Variants in F5 observed in about 807,000 individuals in gnomAD.
The protein encoded by F5 is coagulation factor V.
Under a neutral mutation model 216.4 loss-of-function variants are expected in F5, and 138 were observed. The observed-to-expected ratio is 0.64, with a 90% CI of 0.56 to 0.73. F5 has a LOEUF of 0.73. F5 is among the 30% of genes least tolerant of loss of function. The pLI, the probability that F5 is intolerant of heterozygous loss-of-function variation, is 0.00. For missense variants in F5, 2,403 were observed against 2,674.0 expected (o/e 0.90, Z 2.24); for synonymous variants, 916 against 930.7 (o/e 0.98, Z 0.29).
intron 15 of F5, 129 bp downstream of exon 15, chr1:169,530,657 A>G (rs1659573641): frequency 2.4e-6 from 2 of 831,290 alleles, no homozygotes; most frequent in East Asian, 4.9e-5. Context: ...ACTGTTAACC[A>G]CACCCTTATG....
At chr1:169,560,473 G>A (rs1660448186) in intron 4 of F5, 81 bp downstream of exon 4, 11 of 1,364,686 alleles carry the variant, frequency 8.1e-6, no homozygotes, top group Non-Finnish European at 1.1e-5. Flanking sequence ...TTACCAAGAT[G>A]CTCCCAAGCT....
Position 169,550,697 on chromosome 1 carries a change from G to C in F5, c.1339C>G (p.Pro447Ala), listed in dbSNP as rs757591979. ...TAAGGCGAGAAGGTCACTCCATGAG[G>C]GTAAATGCTATAGGGGCGGCTGGCC... ...NMASRPYSIY[P>A]HGVTFSPYED... The change falls in exon 9 of 25, where the codon CCT becomes GCT. Residue 447 changes from proline to alanine, a missense_variant. Pro to Ala is a conservative substitution (Grantham distance 27). Coordinates refer to ENST00000367797, the MANE Select transcript of F5 (RefSeq NM_000130.5). 2 of 1,613,984 alleles carry C rather than the reference G, an allele frequency of 1.2e-6. No homozygotes were observed. The highest frequency in any genetic ancestry group is 1.7e-6 in the Non-Finnish European group (2 of 1,179,930).
chr1:169,544,590 C>G (rs1351641387), intron 11 of F5, 82 bp from the exon 12 acceptor site: 4 of 1,167,370 alleles, frequency 3.4e-6, no homozygotes, highest in Admixed American at 1.9e-5. Flanking sequence ...ATAAATGTCT[C>G]CATGTTAATT....
In F5 at chr1:169,540,190, G is replaced by C. The variant is rs1014423409; in HGVS notation, c.4796+104C>G. ...CAACTTGCAATAGGGGAACCACACT[G>C]TTCTTAGTATAATTTGCCCACAATT... On this transcript the variant is annotated intron_variant, in intron 13 of 24. Coordinates refer to ENST00000367797, the MANE Select transcript of F5 (RefSeq NM_000130.5). 7 of 1,260,268 alleles carry C rather than the reference G, an allele frequency of 5.6e-6. No homozygotes were observed. The African/African-American group carries it at 7.4e-5, about 13-fold the overall frequency. The allele number at this position is 1,260,268 out of a possible 1,614,324, so 78.1% of individuals were successfully genotyped here. A position where few individuals can be genotyped will look rare whatever the true frequency, so the allele number is the denominator to read the frequency against.
Position 169,542,504 on chromosome 1 carries a change from A to G in F5, c.2586T>C (p.His862=). The G allele has an allele frequency of 6.2e-7, 1 of 1,614,060 alleles. No individual in the cohort carries two copies. Among genetic ancestry groups the G allele is most frequent in the South Asian group, 1.1e-5 (1 of 91,076 alleles). ...LGAGEFKSQE[H]AKHKGPKVER... ...CTACCTTGGGTCCCTTATGCTTAGC[A>G]TGTTCTTGACTTTTGAATTCTCCAG... Residue 862 remains histidine, a synonymous_variant, in exon 13 of 25, where the codon CAT becomes CAC. Coordinates refer to ENST00000367797, the MANE Select transcript of F5 (RefSeq NM_000130.5).
At chr1:169,546,767 G>A (rs370208599) in intron 10 of F5, among the ~76,000 whole-genome samples, 175 bp from the exon 11 acceptor site, 10 of 152,194 alleles carry the variant, frequency 6.6e-5, no homozygotes, top group South Asian at 4.1e-4. Flanking sequence ...CTGGCTAGCC[G>A]TAGGCAGAAA....
chr1:169,566,065 A>G (rs1054644731), intron 3 of F5, among the ~76,000 whole-genome samples: 1 of 152,148 alleles, frequency 6.6e-6, no homozygotes, highest in Non-Finnish European at 1.5e-5. Flanking sequence ...TTGGTAACAA[A>G]GCACAAACAG....
chr1:169,552,939 A>G (rs1226751786), intron 7 of F5, among the ~76,000 whole-genome samples: 2 of 152,182 alleles, frequency 1.3e-5, no homozygotes, highest in Non-Finnish European at 2.9e-5. Flanking sequence ...TGCATCACTG[A>G]TAAAAGTCAT....
intron 2 of F5, among the ~76,000 whole-genome samples, chr1:169,579,053 C>T (rs116663843): frequency 0.017 from 2,535 of 151,644 alleles, 26 homozygotes; most frequent in Non-Finnish European, 0.029. Flanking sequence ...ACCCCCACCC[C>T]CGAAACTACC....
chr1:169,538,052 A>G (rs1252866904), intron 13 of F5, among the ~76,000 whole-genome samples: 1 of 152,206 alleles, frequency 6.6e-6, no homozygotes, highest in African/African-American at 2.4e-5. Flanking sequence ...CATTAGCCAC[A>G]TTAGCCAAGA....
In F5 at chr1:169,523,808, C is replaced by T. The variant is rs1234655743; in HGVS notation, c.5885G>A (p.Trp1962Ter). ...KLAAEFASKP[W>*]IQVDMQKEVI... ...CAGTCTATTAAGACAAACCTGGATC[C>T]AAGGTTTAGAGGCAAATTCTGCTGC... is the stretch of plus-strand genomic sequence containing the variant. The change falls in exon 20 of 25, where the codon TGG becomes TAG. Residue 1962 changes from tryptophan to a stop codon, truncating the protein, a stop_gained. Transcript: ENST00000367797. LOFTEE classifies it high-confidence loss of function. 1.2e-6 allele frequency: 2 copies of T among 1,612,638 alleles called. No individual in the cohort carries two copies. The highest frequency in any genetic ancestry group is 1.7e-6 in the Non-Finnish European group (2 of 1,179,090).
chr1:169,555,835 G>A (rs1175066534), intron 6 of F5, among the ~76,000 whole-genome samples: 1 of 151,916 alleles, frequency 6.6e-6, no homozygotes, highest in Non-Finnish European at 1.5e-5. Flanking sequence ...ATCTTCCACG[G>A]ATATCATGAT....
In F5 at chr1:169,573,711, C is replaced by T. The variant is rs9332686; in HGVS notation, c.251-1368G>A. 3.9e-5 allele frequency among the ~76,000 whole-genome samples: 6 copies of T among 152,266 alleles called. No homozygotes were observed. In the East Asian group the frequency reaches 5.8e-4, roughly 15 times the overall value. On this transcript the variant is annotated intron_variant, in intron 2 of 24. Transcript: ENST00000367797. Reference sequence around the variant, plus strand: ...AGGCACTGTGTTAGAAAGTTTCTGGCTACCTGGATCAAATACAGTCCCTGT... The same window carrying T: ...AGGCACTGTGTTAGAAAGTTTCTGGTTACCTGGATCAAATACAGTCCCTGT...
At position 169,539,689 on chromosome 1, in the gene F5, T is replaced by A. The variant is rs186390561; in HGVS notation, c.4796+605A>T. Among the ~76,000 whole-genome samples the A allele has an allele frequency of 6.6e-5, 10 of 152,340 alleles. No homozygotes were observed. The East Asian group carries it at 1.7e-3, about 26-fold the overall frequency. Reference sequence around the variant, plus strand: ...GCTGTGGGCATATCTAGACAGCTGATGCACAGTCATCATGCTATATCCCTG... The same window carrying A: ...GCTGTGGGCATATCTAGACAGCTGAAGCACAGTCATCATGCTATATCCCTG... On this transcript the variant is annotated intron_variant, in intron 13 of 24. Coordinates refer to ENST00000367797, the MANE Select transcript of F5 (RefSeq NM_000130.5).
chr1:169,572,700 G>A (rs1044095601), intron 2 of F5, among the ~76,000 whole-genome samples: 1 of 152,092 alleles, frequency 6.6e-6, no homozygotes, highest in Non-Finnish European at 1.5e-5. Context: ...GATGCGAGAG[G>A]GTAGTTACTT....
At position 169,520,945 on chromosome 1, in the gene F5, G is replaced by A. The variant is rs570081316; in HGVS notation, c.6049-281C>T. 6.6e-5 allele frequency among the ~76,000 whole-genome samples: 10 copies of A among 152,228 alleles called. No individual in the cohort carries two copies. In the South Asian group the frequency reaches 8.3e-4, roughly 13 times the overall value. On this transcript the variant is annotated intron_variant, in intron 21 of 24. Transcript: ENST00000367797. ...GAGCTCAGAAGACAGACTGGCTAGG[G>A]TTCTCGGAAGGAACAAAATGGTGAT...
At chr1:169,571,964 G>A (rs955154862) in intron 3 of F5, among the ~76,000 whole-genome samples, 1 of 152,068 alleles carries the variant, frequency 6.6e-6, no homozygotes, top group Non-Finnish European at 1.5e-5. Context: ...ATGAACATAT[G>A]AGAATTCAGA....
At chr1:169,539,368 T>C (rs932052857) in intron 13 of F5, among the ~76,000 whole-genome samples, 15 of 152,124 alleles carry the variant, frequency 9.9e-5, no homozygotes, top group Admixed American at 8.5e-4. Context: ...GAGCCTTGAA[T>C]GGAATACAAG....
chr1:169,575,238 C>T (rs1165525404), intron 2 of F5, among the ~76,000 whole-genome samples: 4 of 152,148 alleles, frequency 2.6e-5, no homozygotes, highest in African/African-American at 7.2e-5. Flanking sequence ...GAGTAGCGTG[C>T]GCAAAGGCCC....
Sources: allele counts gnomAD v4.1 joint callset (sites outside exome capture counted in the v4.1 genomes callset), GRCh38; gene constraint gnomAD v4.1.1; transcripts MANE v1.5; gene names NCBI Gene and HGNC (gene_info 2026-07-23, HGNC 2026-07-21).